The following CCDC3 variants were observed in gnomAD, a reference collection of about 807,000 sequenced individuals.
CCDC3 encodes the protein coiled-coil domain containing 3.
In CCDC3, 24 loss-of-function variants were observed where a neutral mutation model predicts 21.4. The observed-to-expected ratio is 1.12, with a 90% CI of 0.81 to 1.58. The LOEUF is 1.58. Among genes scored for constraint, CCDC3 ranks in the 40% most tolerant of loss-of-function variants. The probability of loss-of-function intolerance (pLI) is 0.00; values close to 1 mark genes in which losing one functional copy is unlikely to be tolerated. For missense variants in CCDC3, 425 were observed against 360.9 expected, an observed-to-expected ratio of 1.18 and a Z score of -1.44; for synonymous variants, 186 against 166.0, an observed-to-expected ratio of 1.12 and a Z score of -0.93.
At chr10:12,958,994 G>A (rs1364602277) in intron 2 of CCDC3, among the ~76,000 whole-genome samples, 1 of 152,154 alleles carries the variant, frequency 6.6e-6, no homozygotes, top group Non-Finnish European at 1.5e-5. Flanking sequence ...AGAAAAGTAA[G>A]GTCCACCATT....
Position 13,050,265 on chromosome 10 carries a change from G to A in CCDC3, c.-269-324C>T, listed in dbSNP as rs140522105. Among the ~76,000 whole-genome samples the A allele has an allele frequency of 4.2e-3, 644 of 152,190 alleles. 7 individuals are homozygous for A. Among genetic ancestry groups the A allele is most frequent in the African/African-American group, 0.015 (626 of 41,512 alleles). ...CTGATGGAAGCCTCATTTACACACA[G>A]CACAAGGAAGGCAGGCTTTCTCCTT... On this transcript the variant is annotated intron_variant, in intron 4 of 6. Coordinates refer to the CCDC3 transcript ENST00000378839.
intron 5 of CCDC3, among the ~76,000 whole-genome samples, chr10:13,048,717 C>A (rs957831299): frequency 6.6e-6 from 1 of 152,070 alleles, no homozygotes; most frequent in Non-Finnish European, 1.5e-5. Flanking sequence ...CTTGGCAGGT[C>A]GCTAGCTGTC....
intron 2 of CCDC3, among the ~76,000 whole-genome samples, chr10:12,987,119 AC>A (rs1464173410): frequency 2.6e-5 from 4 of 151,994 alleles, no homozygotes; most frequent in Non-Finnish European, 5.9e-5. Context: ...GTGCTGGCTC[AC>A]CCCAGCGCCT....
upstream of CCDC3, among the ~76,000 whole-genome samples, chr10:13,003,937 A>G (rs546998648): frequency 6.6e-6 from 1 of 152,204 alleles, no homozygotes; most frequent in African/African-American, 2.4e-5. Flanking sequence ...CTCCCCTGTA[A>G]GATCTGGCAG....
upstream of CCDC3, among the ~76,000 whole-genome samples, chr10:13,004,206 A>G (rs1366650490): frequency 6.6e-6 from 1 of 152,216 alleles, no homozygotes; most frequent in Non-Finnish European, 1.5e-5. Flanking sequence ...CACACACAGT[A>G]AGTACACTTT....
intron 4 of CCDC3, among the ~76,000 whole-genome samples, chr10:13,056,561 A>C (rs550904336): frequency 1.3e-5 from 2 of 152,296 alleles, no homozygotes; most frequent in East Asian, 3.9e-4. Context: ...TGCCTCAAGA[A>C]AATTATAGGA....
chr10:13,080,864 A>C (rs1837030781), intron 3 of CCDC3, among the ~76,000 whole-genome samples: 1 of 152,240 alleles, frequency 6.6e-6, no homozygotes, highest in Admixed American at 6.5e-5. Context: ...GGGCTTGGGC[A>C]GGAGCAAAGT....
At chr10:13,078,121 G>C (rs985582060) in intron 3 of CCDC3, among the ~76,000 whole-genome samples, 1 of 152,100 alleles carries the variant, frequency 6.6e-6, no homozygotes, top group Non-Finnish European at 1.5e-5. Flanking sequence ...CTGACAAAGG[G>C]TTAATATCCA....
At chr10:12,991,308 T>TG (rs1564311954) in intron 2 of CCDC3, among the ~76,000 whole-genome samples, 1 of 137,116 alleles carries the variant, frequency 7.3e-6, no homozygotes, top group East Asian at 2.1e-4. Context: ...ATATGTTTTT[T>TG]TTGTTGTTGT....
intron 3 of CCDC3, among the ~76,000 whole-genome samples, chr10:13,094,314 A>C (rs1329000737): frequency 6.6e-6 from 1 of 152,010 alleles, no homozygotes; most frequent in Admixed American, 6.5e-5. Flanking sequence ...GCTGGAGTGC[A>C]ATGGCACGAT....
chr10:12,997,485 G>T (rs1835780545), intron 2 of CCDC3, among the ~76,000 whole-genome samples: 1 of 152,192 alleles, frequency 6.6e-6, no homozygotes, highest in Admixed American at 6.5e-5. Flanking sequence ...GCCCAGATCG[G>T]AAGACTCTTT....
chr10:12,899,552 CAA>C (rs1337849644), intron 2 of CCDC3, among the ~76,000 whole-genome samples: 1 of 152,162 alleles, frequency 6.6e-6, no homozygotes, highest in African/African-American at 2.4e-5. Flanking sequence ...AAATACCCAT[CAA>C]GAGAGGTCTG....
intron 2 of CCDC3, among the ~76,000 whole-genome samples, chr10:12,990,744 G>T (rs994877536): frequency 3.9e-5 from 6 of 152,118 alleles, no homozygotes; most frequent in Non-Finnish European, 7.3e-5. Context: ...ACCACATTTG[G>T]AAGGTCTGCA....
intron 4 of CCDC3, among the ~76,000 whole-genome samples, chr10:13,050,592 C>G (rs1836593070): frequency 6.6e-6 from 1 of 151,000 alleles, no homozygotes; most frequent in African/African-American, 2.4e-5. Context: ...TCCTGAGTAG[C>G]TAGGATTAGA....
chr10:12,938,450 A>T (rs1251886689), intron 2 of CCDC3, among the ~76,000 whole-genome samples: 1 of 152,186 alleles, frequency 6.6e-6, no homozygotes, highest in Non-Finnish European at 1.5e-5. Flanking sequence ...AGCTGGAACT[A>T]TTTCCCCTTT....
intron 2 of CCDC3, among the ~76,000 whole-genome samples, chr10:12,911,775 C>T (rs59776748): frequency 6.6e-6 from 1 of 152,170 alleles, no homozygotes; most frequent in Non-Finnish European, 1.5e-5. Flanking sequence ...TTCCTTGTAA[C>T]TGAAATATTG....
intron 4 of CCDC3, among the ~76,000 whole-genome samples, chr10:13,060,949 A>G (rs1286508543): frequency 3.9e-5 from 6 of 152,226 alleles, no homozygotes; most frequent in Non-Finnish European, 8.8e-5. Context: ...TTCAAGGAAG[A>G]GAGGGCTCTA....
upstream of CCDC3, among the ~76,000 whole-genome samples, chr10:13,003,601 G>C (rs641908): frequency 0.036 from 5,461 of 152,238 alleles, 333 homozygotes; most frequent in African/African-American, 0.12. Flanking sequence ...AATTTTGTAT[G>C]ACCCAGAATC....
intron 4 of CCDC3, among the ~76,000 whole-genome samples, chr10:13,072,794 GC>G (rs1226618591): frequency 6.6e-6 from 1 of 151,852 alleles, no homozygotes; most frequent in Non-Finnish European, 1.5e-5. Flanking sequence ...GAACTAAGGA[GC>G]AAAATTCTGC....
Sources: allele counts gnomAD v4.1 joint callset (sites outside exome capture counted in the v4.1 genomes callset), GRCh38; gene constraint gnomAD v4.1.1; transcripts MANE v1.5; gene names NCBI Gene and HGNC (gene_info 2026-07-23, HGNC 2026-07-21).